The following BLM variants were observed in gnomAD, a reference collection of about 807,000 sequenced individuals.
BLM encodes recQ-like DNA helicase BLM.
BLM carries 95 observed loss-of-function variants against 135.3 expected under a neutral mutation model. The observed-to-expected ratio is 0.70, with a 90% confidence interval of 0.59 to 0.83. BLM has a LOEUF of 0.83. Among genes scored for constraint, BLM ranks in the 40% least tolerant of loss-of-function variants. The pLI is 0.00. For missense variants in BLM, 1,518 were observed against 1,663.9 expected (o/e 0.91, Z 1.53); for synonymous variants, 520 against 589.2 (o/e 0.88, Z 1.70).
At chr15:90,729,344 C>T (rs1172407111) in intron 1 of BLM, among the ~76,000 whole-genome samples, 1 of 152,074 alleles carries the variant, frequency 6.6e-6, no homozygotes. Flanking sequence ...AAAACAACAA[C>T]AACATAGATT....
intron 15 of BLM, among the ~76,000 whole-genome samples, chr15:90,791,629 G>A (rs28385080): frequency 0.34 from 50,806 of 151,508 alleles, 9,626 homozygotes; most frequent in African/African-American, 0.53. Flanking sequence ...CATTTTTGCA[G>A]TTACTTATAT....
At position 90,761,008 on chromosome 15, in the gene BLM, A is replaced by C. The variant is rs1260807193; in HGVS notation, c.1635A>C (p.Arg545Ser). ...KHTASINDLE[R>S]ETQPSYDIDN... ...CTGCTTCAATAAATGACTTAGAAAG[A>C]GAAACCCAACCTTCCTATGATATTG... The change falls in exon 7 of 22, where the codon AGA becomes AGC. Residue 545 changes from arginine to serine, a missense_variant. Arg to Ser is a moderately radical substitution (Grantham distance 110). Around this residue, in one of 5 missense-constraint regions of BLM, gnomAD observed 724 missense variants for 756.9 expected, o/e 0.96. Transcript: ENST00000355112. The C allele has an allele frequency of 6.2e-7, 1 of 1,608,046 alleles. No homozygotes were observed. Among genetic ancestry groups the C allele is most frequent in the Non-Finnish European group, 8.5e-7 (1 of 1,177,788 alleles).
At chr15:90,774,401 G>C (rs1567048027) in intron 12 of BLM, among the ~76,000 whole-genome samples, 1 of 151,940 alleles carries the variant, frequency 6.6e-6, no homozygotes, top group Non-Finnish European at 1.5e-5. Context: ...ACCTTCAGCA[G>C]TGTGTGGGGG....
intron 8 of BLM, 125 bp from the exon 9 acceptor site, chr15:90,765,171 C>T: frequency 2.5e-6 from 2 of 789,680 alleles, no homozygotes; most frequent in South Asian, 1.4e-5. Flanking sequence ...TTGAGTATGG[C>T]AAATTGTTGG....
In BLM at chr15:90,738,301, G is replaced by T. The variant is rs115477783; in HGVS notation, c.-4-9088G>T. 8.9e-3 allele frequency among the ~76,000 whole-genome samples: 1,355 copies of T among 152,276 alleles called. 22 individuals carry two copies. Among genetic ancestry groups the T allele is most frequent in the African/African-American group, 0.03 (1,264 of 41,540 alleles). On this transcript the variant is annotated intron_variant, in intron 1 of 21. Transcript: ENST00000355112. ...ATATTTGATAAAGGGTTAATACCCA[G>T]GATATATAAAGAACTCCTCAGCACT...
At chr15:90,777,998 A>T (rs1896523769) in intron 12 of BLM, among the ~76,000 whole-genome samples, 1 of 152,188 alleles carries the variant, frequency 6.6e-6, no homozygotes, top group South Asian at 2.1e-4. Context: ...TTATCCATTT[A>T]TCAATTGATG....
chr15:90,735,774 AGG>A (rs776625834), intron 1 of BLM, among the ~76,000 whole-genome samples: 1 of 152,146 alleles, frequency 6.6e-6, no homozygotes, highest in East Asian at 1.9e-4. Context: ...GCAATAAAAG[AGG>A]GGGAAAAATT....
At chr15:90,774,337 G>A (rs1896413101) in intron 12 of BLM, among the ~76,000 whole-genome samples, 1 of 151,584 alleles carries the variant, frequency 6.6e-6, no homozygotes, top group African/African-American at 2.4e-5. Flanking sequence ...CTCCCAAAGT[G>A]CTGGGCTTAT....
chr15:90,804,502 C>T (rs557560646), intron 19 of BLM, 143 bp downstream of exon 19: 1 of 925,356 alleles, frequency 1.1e-6, no homozygotes, highest in East Asian at 2.6e-5. Context: ...CTCGCTGTGT[C>T]ACCCGGGCTG....
In BLM at chr15:90,732,200, C is replaced by G. The variant is rs940076045; in HGVS notation, c.-5+14760C>G. ...TATCTTACTTGACTGATGGCTTATT[C>G]ACAAGTATATTTCTTGATTTTCAAT... is the stretch of plus-strand genomic sequence containing the variant. On this transcript the variant is annotated intron_variant, in intron 1 of 21. Transcript: ENST00000355112. Among the ~76,000 whole-genome samples, 4 of 152,120 alleles carry G rather than the reference C, an allele frequency of 2.6e-5. No individual in the cohort carries two copies. The East Asian group carries it at 5.8e-4, about 22-fold the overall frequency.
Position 90,754,859 on chromosome 15 carries a change from C to T in BLM, c.1008C>T (p.Ser336=), listed in dbSNP as rs1490955099. Residue 336 remains serine, a synonymous_variant, in exon 5 of 22, where the codon AGC becomes AGT. Coordinates refer to ENST00000355112, the MANE Select transcript of BLM (RefSeq NM_000057.4). ...CTGACAGAAAAGAGGATGTTCTTAG[C>T]ACATCAAAAGATCTTTTGTCAAAAC... is the stretch of plus-strand genomic sequence containing the variant. ...DTSDRKEDVL[S]TSKDLLSKPE... The T allele has an allele frequency of 6.2e-7, 1 of 1,613,684 alleles. No homozygotes were observed. Among genetic ancestry groups the T allele is most frequent in the Admixed American group, 1.7e-5 (1 of 59,998 alleles).
chr15:90,772,259 C>T (rs1454578206), intron 12 of BLM, among the ~76,000 whole-genome samples: 1 of 152,176 alleles, frequency 6.6e-6, no homozygotes, highest in Non-Finnish European at 1.5e-5. Flanking sequence ...CCCTGTGCTG[C>T]TCTCCTCCCG....
chr15:90,772,704 A>C (rs1013914864), intron 12 of BLM, among the ~76,000 whole-genome samples: 1 of 152,212 alleles, frequency 6.6e-6, no homozygotes, highest in Admixed American at 6.5e-5. Context: ...GCAGGAACTG[A>C]AGAAGACAAG....
rs560132774 is a variant in BLM at position 90,811,210 on chromosome 15, G to C, written c.3880G>C (p.Asp1294His). 6.2e-7 allele frequency: 1 copy of C among 1,613,138 alleles called. No homozygotes were observed. Among genetic ancestry groups the C allele is most frequent in the African/African-American group, 1.3e-5 (1 of 74,992 alleles). Residue 1294 changes from aspartate to histidine, a missense_variant, in exon 21 of 22, where the codon GAC (aspartate) becomes CAC (histidine). Physicochemically the swap from Asp to His is moderately conservative, Grantham distance 81 (BLOSUM62 -1). This residue lies in a region of BLM where 153 missense variants were observed against 173.4 expected (regional missense o/e 0.88). Transcript: ENST00000355112. ...TCTGCATTTTCCATTTGTAGCTGAA[G>C]ACAGTTCCCCAGGGATAAGCCTGTC... is the stretch of plus-strand genomic sequence containing the variant. ...KYSEWTSPAEDSSPGISLSSS... is the reference protein window; with the variant it reads ...KYSEWTSPAEHSSPGISLSSS...
At chr15:90,811,833 T>C (rs1897429648) in intron 21 of BLM, among the ~76,000 whole-genome samples, 1 of 152,104 alleles carries the variant, frequency 6.6e-6, no homozygotes, top group African/African-American at 2.4e-5. Flanking sequence ...AATTTTTGTA[T>C]TTTTTGTACA....
intron 5 of BLM, among the ~76,000 whole-genome samples, chr15:90,757,921 A>C (rs1895862620): frequency 7.1e-6 from 1 of 141,722 alleles, no homozygotes; most frequent in African/African-American, 2.6e-5. Context: ...TCGCTCTGTC[A>C]CCCAGGCTAA....
chr15:90,746,818 C>A (rs1239971498), intron 1 of BLM, among the ~76,000 whole-genome samples: 2 of 152,140 alleles, frequency 1.3e-5, no homozygotes, highest in African/African-American at 4.8e-5. Context: ...CAGCTTGTTA[C>A]ACAGAGATAT....
At chr15:90,755,803 T>A (rs1226844306) in intron 5 of BLM, among the ~76,000 whole-genome samples, 1 of 152,226 alleles carries the variant, frequency 6.6e-6, no homozygotes, top group African/African-American at 2.4e-5. Context: ...GTGGAATTTT[T>A]AAATTTCTAT....
rs757048536 is a variant in BLM, at chr15:90,790,612, G to A, written c.2824-37G>A. On this transcript the variant is annotated intron_variant, in intron 14 of 21. Coordinates refer to ENST00000355112, the MANE Select transcript of BLM (RefSeq NM_000057.4). ...TATGAAAATGTTCCTTCAAGTCTGT[G>A]CCTTATGAATCTAATAAGCTTTTGC... 1.9e-6 allele frequency: 3 copies of A among 1,582,896 alleles called. No individual in the cohort carries two copies. In the Admixed American group the frequency reaches 5.0e-5, roughly 26 times the overall value.
Sources: gnomAD v4.1 joint callset for allele counts (sites outside exome capture counted in the v4.1 genomes callset) on GRCh38, gnomAD v4.1.1 for gene constraint, gnomAD v4.1.1 regional missense constraint, MANE v1.5 for transcripts, NCBI Gene and HGNC (gene_info 2026-07-23, HGNC 2026-07-21) for gene names.